Variants in CNTNAP4 observed in about 807,000 individuals in gnomAD.
CNTNAP4 encodes the protein contactin-associated protein-like 4.
Under a neutral mutation model 148.4 loss-of-function variants are expected in CNTNAP4, and 98 were observed. That is an observed-to-expected ratio of 0.66 (90% confidence interval 0.56 to 0.78). CNTNAP4 has a LOEUF of 0.78. Ranked by LOEUF, CNTNAP4 falls within the 30% of genes least tolerant of loss-of-function variation. The pLI, the probability that CNTNAP4 is intolerant of heterozygous loss-of-function variation, is 0.00. For missense variants in CNTNAP4, 1,935 were observed against 1,565.6 expected, an observed-to-expected ratio of 1.24 and a Z score of -3.98; for synonymous variants, 730 against 565.1, an observed-to-expected ratio of 1.29 and a Z score of -4.14.
intron 16 of CNTNAP4, 89 bp from the exon 17 acceptor site, chr16:76,521,950 T>C: frequency 1.7e-6 from 2 of 1,151,486 alleles, no homozygotes. Context: ...CAGCGATTGT[T>C]ACGCTGTAGT....
At chr16:76,458,641 T>C (rs1243259618) in intron 8 of CNTNAP4, among the ~76,000 whole-genome samples, 1 of 152,100 alleles carries the variant, frequency 6.6e-6, no homozygotes, top group Non-Finnish European at 1.5e-5. Flanking sequence ...AGTGATCTGA[T>C]AGGAGGCAGA....
intron 17 of CNTNAP4, among the ~76,000 whole-genome samples, chr16:76,531,088 T>C (rs1221693550): frequency 6.6e-6 from 1 of 152,222 alleles, no homozygotes; most frequent in Non-Finnish European, 1.5e-5. Context: ...TCTATAGCTT[T>C]GAATTTTAAA....
chr16:76,337,888 C>T (rs1964151944), intron 2 of CNTNAP4, among the ~76,000 whole-genome samples: 1 of 152,182 alleles, frequency 6.6e-6, no homozygotes, highest in African/African-American at 2.4e-5. Flanking sequence ...TCTATTCTGC[C>T]TGACCCCGCA....
chr16:76,316,218 C>T, intron 1 of CNTNAP4, 195 bp from the exon 2 acceptor site: 2 of 606,386 alleles, frequency 3.3e-6, no homozygotes, highest in Non-Finnish European at 2.9e-6. Flanking sequence ...TTCATATTCT[C>T]CTGTCTTTAA....
chr16:76,413,818 G>GT (rs2078885458), intron 3 of CNTNAP4, among the ~76,000 whole-genome samples: 1 of 150,876 alleles, frequency 6.6e-6, no homozygotes, highest in Non-Finnish European at 1.5e-5. Context: ...TATTTTATTA[G>GT]TTTTTTACAG....
intron 2 of CNTNAP4, among the ~76,000 whole-genome samples, chr16:76,331,998 T>G (rs1181829996): frequency 6.6e-6 from 1 of 152,210 alleles, no homozygotes; most frequent in Admixed American, 6.5e-5. Context: ...GGCAAATAGT[T>G]TTATTTTTCT....
intron 15 of CNTNAP4, among the ~76,000 whole-genome samples, chr16:76,501,757 G>C (rs532126624): frequency 2.6e-4 from 40 of 152,250 alleles, no homozygotes; most frequent in Admixed American, 3.9e-4. Context: ...GGAATACAGA[G>C]GGGAGCTACT....
intron 3 of CNTNAP4, among the ~76,000 whole-genome samples, chr16:76,356,737 T>A (rs1047446958): frequency 6.6e-6 from 1 of 152,182 alleles, no homozygotes; most frequent in East Asian, 1.9e-4. Flanking sequence ...GAAGCCTATT[T>A]GGGCACATAA....
At chr16:76,331,368 T>C (rs1387773293) in intron 2 of CNTNAP4, among the ~76,000 whole-genome samples, 2 of 151,946 alleles carry the variant, frequency 1.3e-5, no homozygotes, top group Non-Finnish European at 2.9e-5. Context: ...TTTGTATTTT[T>C]TAGTAGAGGC....
intron 15 of CNTNAP4, among the ~76,000 whole-genome samples, chr16:76,519,858 C>G (rs972464636): frequency 2.6e-5 from 4 of 152,074 alleles, no homozygotes; most frequent in Non-Finnish European, 5.9e-5. Context: ...TCAGATCCAC[C>G]AGAAAAACAA....
At chr16:76,442,316 T>A (rs2143036567) in intron 4 of CNTNAP4, among the ~76,000 whole-genome samples, 1 of 152,270 alleles carries the variant, frequency 6.6e-6, no homozygotes, top group African/African-American at 2.4e-5. Flanking sequence ...AACACCTTGA[T>A]TTTAGGACTT....
intron 2 of CNTNAP4, among the ~76,000 whole-genome samples, chr16:76,334,405 G>A (rs571372402): frequency 6.6e-6 from 1 of 152,074 alleles, no homozygotes; most frequent in African/African-American, 2.4e-5. Context: ...CCTTATCTTC[G>A]ACTTGCTGCT....
At chr16:76,465,433 C>G (rs2081140626) in intron 9 of CNTNAP4, among the ~76,000 whole-genome samples, 1 of 152,152 alleles carries the variant, frequency 6.6e-6, no homozygotes, top group Non-Finnish European at 1.5e-5. Flanking sequence ...AGTATGCTTT[C>G]TGTAAAATTC....
intron 1 of CNTNAP4, among the ~76,000 whole-genome samples, chr16:76,306,734 A>C (rs539932037): frequency 1.3e-5 from 2 of 152,344 alleles, no homozygotes; most frequent in East Asian, 3.9e-4. Flanking sequence ...ATCCTTGATG[A>C]GAACACACTT....
At chr16:76,344,466 G>C (rs28490909) in intron 2 of CNTNAP4, among the ~76,000 whole-genome samples, 1,668 of 152,262 alleles carry the variant, frequency 0.011, 29 homozygotes, top group African/African-American at 0.038. Context: ...GGGATGTTAA[G>C]CACCCAAACA....
chr16:76,304,191 G>T (rs544174480), intron 1 of CNTNAP4, among the ~76,000 whole-genome samples: 2 of 152,204 alleles, frequency 1.3e-5, no homozygotes, highest in Admixed American at 6.6e-5. Context: ...TAGGAAAGGC[G>T]ATTTAAATAA....
At chr16:76,489,104 G>A (rs1181902466) in intron 12 of CNTNAP4, among the ~76,000 whole-genome samples, 1 of 152,166 alleles carries the variant, frequency 6.6e-6, no homozygotes, top group Non-Finnish European at 1.5e-5. Flanking sequence ...TGATTAAGGA[G>A]AGGTATATAG....
intron 12 of CNTNAP4, among the ~76,000 whole-genome samples, chr16:76,482,312 C>T (rs1015701441): frequency 1.3e-5 from 2 of 151,636 alleles, no homozygotes; most frequent in Non-Finnish European, 2.9e-5. Context: ...TGTGAGAAAA[C>T]AAAAAGCCAA....
intron 3 of CNTNAP4, among the ~76,000 whole-genome samples, chr16:76,407,117 T>G (rs1307884486): frequency 6.6e-6 from 1 of 152,142 alleles, no homozygotes; most frequent in African/African-American, 2.4e-5. Context: ...CAGTGCTCAT[T>G]TACCATTCTG....
Sources: allele counts gnomAD v4.1 joint callset (sites outside exome capture counted in the v4.1 genomes callset), GRCh38; gene constraint gnomAD v4.1.1; transcripts MANE v1.5; gene names NCBI Gene and HGNC (gene_info 2026-07-23, HGNC 2026-07-21).